FAM227B: variants seen among roughly 807,000 people sequenced by gnomAD.
The protein encoded by FAM227B is protein FAM227B.
Under a neutral mutation model 73.8 loss-of-function variants are expected in FAM227B, and 88 were observed. That is an observed-to-expected ratio of 1.19 (90% CI 1.00 to 1.42). The LOEUF (loss-of-function observed/expected upper bound fraction) is 1.42, where lower values mean the gene tolerates loss of function less well. Among genes scored for constraint, FAM227B ranks in the 40% most tolerant of loss-of-function variants. The probability of loss-of-function intolerance (pLI) is 0.00; values close to 1 mark genes in which losing one functional copy is unlikely to be tolerated. For synonymous variants in FAM227B, 210 were observed against 190.5 expected (o/e 1.10, Z -0.84); for missense variants, 632 against 590.9 (o/e 1.07, Z -0.72).
At position 49,615,183 on chromosome 15, in the gene FAM227B, T is replaced by G; in HGVS notation, c.-12A>C. On this transcript the variant is annotated 5_prime_UTR_variant, in exon 2 of 16. Coordinates refer to ENST00000299338, the MANE Select transcript of FAM227B (RefSeq NM_152647.3). ...CGTTGGCCTGCCATGGTACAGTAAC[T>G]TTGCAGAAATGAAGAGAAATCAGCT... The G allele has an allele frequency of 6.2e-7, 1 of 1,613,900 alleles. No homozygotes were observed. The highest frequency in any genetic ancestry group is 8.5e-7 in the Non-Finnish European group (1 of 1,179,794).
chr15:49,393,789 C>T (rs1206418010), intron 11 of FAM227B, among the ~76,000 whole-genome samples: 6 of 152,124 alleles, frequency 3.9e-5, no homozygotes, highest in Admixed American at 2.6e-4. Flanking sequence ...GGAACACCAT[C>T]AGAAACTTCA....
At chr15:49,564,932 G>A (rs188409294) in intron 9 of FAM227B, among the ~76,000 whole-genome samples, 12 of 151,952 alleles carry the variant, frequency 7.9e-5, no homozygotes, top group Non-Finnish European at 1.3e-4. Context: ...ATATACCCAC[G>A]TAACGAACCT....
intron 11 of FAM227B, among the ~76,000 whole-genome samples, chr15:49,421,991 T>C (rs2049673725): frequency 6.6e-6 from 1 of 152,204 alleles, no homozygotes; most frequent in African/African-American, 2.4e-5. Flanking sequence ...TCTGTGCTCT[T>C]CATTCTGTTC....
At chr15:49,617,807 A>C (rs1426672391) in intron 1 of FAM227B, among the ~76,000 whole-genome samples, 1 of 142,122 alleles carries the variant, frequency 7.0e-6, no homozygotes, top group Non-Finnish European at 1.6e-5. Context: ...TGTGTGTGTG[A>C]CAGAGTTTCA....
At chr15:49,329,828 C>G (rs571510838) in intron 15 of FAM227B, 1 of 583,044 alleles carries the variant, frequency 1.7e-6, no homozygotes, top group Non-Finnish European at 2.1e-6. Context: ...AAAAAAGGCA[C>G]CTGTCATTGT....
intron 11 of FAM227B, among the ~76,000 whole-genome samples, chr15:49,397,815 C>T (rs75082160): frequency 6.6e-6 from 1 of 152,094 alleles, no homozygotes. Context: ...TTTGTCACCA[C>T]CAGGCCTGCC....
chr15:49,452,541 T>G (rs2052856457), intron 11 of FAM227B, among the ~76,000 whole-genome samples: 1 of 152,180 alleles, frequency 6.6e-6, no homozygotes, highest in Non-Finnish European at 1.5e-5. Context: ...CTATGCAGAT[T>G]TTTTAATGCA....
At chr15:49,396,782 G>C (rs1730761010) in intron 11 of FAM227B, among the ~76,000 whole-genome samples, 2 of 149,520 alleles carry the variant, frequency 1.3e-5, no homozygotes, top group African/African-American at 4.8e-5. Context: ...CTGCGGCTGA[G>C]GGTCCTGTCT....
chr15:49,470,893 C>T (rs956053229), intron 11 of FAM227B, among the ~76,000 whole-genome samples: 1 of 152,202 alleles, frequency 6.6e-6, no homozygotes, highest in African/African-American at 2.4e-5. Context: ...ACTCAAACAG[C>T]TTGCTGGGAG....
At chr15:49,422,781 ATAATATT>A in intron 11 of FAM227B, 1 of 1,309,734 alleles carries the variant, frequency 7.6e-7, no homozygotes, top group Non-Finnish European at 1.1e-6. Context: ...GTATGATGTG[ATAATATT>A]CAACTTATCT....
intron 9 of FAM227B, among the ~76,000 whole-genome samples, chr15:49,548,676 C>T (rs566594024): frequency 6.6e-6 from 1 of 152,236 alleles, no homozygotes; most frequent in Non-Finnish European, 1.5e-5. Flanking sequence ...TACTGGGGTA[C>T]TTTTTATTAT....
chr15:49,567,142 C>CCTT (rs1260537210), intron 9 of FAM227B, among the ~76,000 whole-genome samples: 2 of 152,086 alleles, frequency 1.3e-5, no homozygotes, highest in Non-Finnish European at 2.9e-5. Flanking sequence ...AATAGGCTAA[C>CCTT]TGAAAGAATA....
chr15:49,539,503 G>A lies in FAM227B; in HGVS notation c.874+2177C>T, dbSNP rs1185880616. On this transcript the variant is annotated intron_variant, in intron 10 of 15. Transcript: ENST00000299338. ...GAAGAGTCAGTGGCTCCAGGGTCTG[G>A]GGCAGTAGGGACATTGGTGCCTGTG... Among the ~76,000 whole-genome samples, 5 of 152,134 alleles carry A rather than the reference G, an allele frequency of 3.3e-5. No individual in the cohort carries two copies. The East Asian group carries it at 9.6e-4, about 29-fold the overall frequency.
chr15:49,500,821 G>A (rs2058075010), intron 11 of FAM227B, among the ~76,000 whole-genome samples: 1 of 152,174 alleles, frequency 6.6e-6, no homozygotes, highest in Admixed American at 6.5e-5. Context: ...AATGGCTGGG[G>A]CCATTCCCTT....
At chr15:49,456,159 G>GT (rs1468720567) in intron 11 of FAM227B, among the ~76,000 whole-genome samples, 3 of 151,814 alleles carry the variant, frequency 2.0e-5, no homozygotes, top group Non-Finnish European at 4.4e-5. Flanking sequence ...ATTTTTTTCA[G>GT]TTTTTTTCCA....
intron 3 of FAM227B, among the ~76,000 whole-genome samples, chr15:49,610,737 C>T (rs1402206561): frequency 1.3e-5 from 2 of 152,018 alleles, no homozygotes; most frequent in Non-Finnish European, 2.9e-5. Flanking sequence ...TTAGCAAGTC[C>T]AATAACCCCA....
Position 49,571,531 on chromosome 15 carries a change from G to A in FAM227B, c.646-3185C>T, listed in dbSNP as rs76625189. Among the ~76,000 whole-genome samples, 1,223 of 151,882 alleles carry A rather than the reference G, an allele frequency of 8.1e-3. 18 individuals carry two copies. Among genetic ancestry groups the A allele is most frequent in the African/African-American group, 0.029 (1,186 of 41,482 alleles). On this transcript the variant is annotated intron_variant, in intron 8 of 15. Coordinates refer to ENST00000299338, the MANE Select transcript of FAM227B (RefSeq NM_152647.3). The stretch of plus-strand genomic sequence containing the variant: ...ATTCATGCTGACTTTTGTATATTAT[G>A]TGAAATAAGGGTTCAATTTCCGTCT...
chr15:49,329,340 T>G (rs908392314), intron 15 of FAM227B: 1 of 985,258 alleles, frequency 1.0e-6, no homozygotes, highest in African/African-American at 1.7e-5. Context: ...ATGTAATGAT[T>G]TGGACCAAAA....
chr15:49,419,763 T>A (rs75929244), intron 11 of FAM227B, among the ~76,000 whole-genome samples: 26,002 of 152,050 alleles, frequency 0.17, 2,895 homozygotes, highest in Non-Finnish European at 0.24. Flanking sequence ...GACAGGTTTT[T>A]TTATTATTAT....
Sources: allele counts gnomAD v4.1 joint callset (sites outside exome capture counted in the v4.1 genomes callset), GRCh38; gene constraint gnomAD v4.1.1; transcripts MANE v1.5; gene names NCBI Gene and HGNC (gene_info 2026-07-23, HGNC 2026-07-21).